Variants in AFAP1L2 observed in about 807,000 individuals in gnomAD.
The protein encoded by AFAP1L2 is actin filament-associated protein 1-like 2.
A neutral mutation model predicts 99.3 loss-of-function variants in AFAP1L2; 46 were observed. The ratio of observed to expected loss-of-function variants is 0.46; its 90% CI spans 0.37 to 0.59. AFAP1L2 has a LOEUF of 0.59. Ranked by LOEUF, AFAP1L2 falls within the 20% of genes least tolerant of loss-of-function variation. The pLI is 0.00. For missense variants in AFAP1L2, 959 were observed against 1,034.9 expected (o/e 0.93, Z 1.01); for synonymous variants, 397 against 419.1 (o/e 0.95, Z 0.64).
chr10:114,375,293 A>T lies in AFAP1L2; in HGVS notation c.16+29147T>A, dbSNP rs1051467512. ...CATGCCAGAATTGAGTCATTGCAAC[A>T]CAGAATATATGACCACAAATCCTAG... is the stretch of plus-strand genomic sequence containing the variant. On this transcript the variant is annotated intron_variant, in intron 1 of 18. Transcript: ENST00000304129. Among the ~76,000 whole-genome samples, 2 of 152,208 alleles carry T rather than the reference A, an allele frequency of 1.3e-5. 1 individual carries two copies. Among genetic ancestry groups the T allele is most frequent in the Non-Finnish European group, 2.9e-5 (2 of 68,036 alleles).
At chr10:114,361,073 A>C (rs1209952872) in intron 1 of AFAP1L2, among the ~76,000 whole-genome samples, 1 of 152,182 alleles carries the variant, frequency 6.6e-6, no homozygotes, top group Non-Finnish European at 1.5e-5. Flanking sequence ...GGCAGACAGG[A>C]GAAGAGAACT....
At chr10:114,284,301 T>G in the AFAP1L2 span, among the ~76,000 whole-genome samples, 2 of 152,214 alleles carry the variant, frequency 1.3e-5, no homozygotes, top group Non-Finnish European at 2.9e-5. Flanking sequence ...TGCGGATTAA[T>G]TCATTTAATC....
downstream of AFAP1L2, chr10:114,291,570 A>T: frequency 3.3e-6 from 1 of 304,122 alleles, no homozygotes; most frequent in Non-Finnish European, 6.1e-6. Flanking sequence ...AGGATAAACA[A>T]GGGGTCCTGA....
At chr10:114,390,533 C>A (rs2057006712) in intron 1 of AFAP1L2, among the ~76,000 whole-genome samples, 2 of 152,050 alleles carry the variant, frequency 1.3e-5, no homozygotes. Flanking sequence ...CCAGCCTGAC[C>A]AACATGGTGA....
At position 114,295,465 on chromosome 10, in the gene AFAP1L2, A is replaced by AACTC; in HGVS notation, c.*573_*576dup. ...TATTTTCCCCATTATTGTTTCTCAA[A>AACTC]ACTCATGTCATAGATGGTTTTACAG... On this transcript the variant is annotated 3_prime_UTR_variant, in exon 19 of 19. Coordinates refer to ENST00000304129, the MANE Select transcript of AFAP1L2 (RefSeq NM_001001936.3). The AACTC allele has an allele frequency of 3.0e-6, 3 of 985,602 alleles. No homozygotes were observed. Among genetic ancestry groups the AACTC allele is most frequent in the Non-Finnish European group, 3.6e-6 (3 of 829,940 alleles). The allele number at this position is 985,602 out of a possible 1,614,324, so 61.1% of individuals were successfully genotyped here.
chr10:114,339,468 A>T (rs1237795528), intron 2 of AFAP1L2, among the ~76,000 whole-genome samples: 4 of 152,196 alleles, frequency 2.6e-5, no homozygotes, highest in African/African-American at 9.6e-5. Flanking sequence ...AAAATACTTC[A>T]TTTAAAACCT....
chr10:114,404,480 C>A lies in AFAP1L2; in HGVS notation c.-25G>T, dbSNP rs568824336. 2 of 1,535,362 alleles carry A rather than the reference C, an allele frequency of 1.3e-6. No homozygotes were observed. Among genetic ancestry groups the A allele is most frequent in the South Asian group, 1.2e-5 (1 of 83,656 alleles). On this transcript the variant is annotated 5_prime_UTR_variant, in exon 1 of 19. Coordinates refer to ENST00000304129, the MANE Select transcript of AFAP1L2 (RefSeq NM_001001936.3). ...TCGGGGCCACGGAGTGCGCTCCTCG[C>A]GGCTCGGCTTCTGCGCTGCTCTCCC...
the AFAP1L2 span, chr10:114,281,378 G>T: frequency 6.6e-6 from 1 of 152,338 alleles, no homozygotes; most frequent in Non-Finnish European, 1.5e-5. Context: ...AGAGTGGGGG[G>T]ATTTGGAGTC....
chr10:114,296,120 G>T, intron 18 of AFAP1L2, 52 bp from the exon 19 acceptor site: 2 of 1,611,512 alleles, frequency 1.2e-6, no homozygotes, highest in African/African-American at 1.3e-5. Flanking sequence ...AAGATAGTTA[G>T]TTATCCACTG....
intron 6 of AFAP1L2, 53 bp downstream of exon 6, chr10:114,315,506 GC>G: frequency 7.5e-6 from 11 of 1,458,514 alleles, no homozygotes; most frequent in Non-Finnish European, 1.0e-5. Flanking sequence ...CCCTGTCCCT[GC>G]CCCTTCCCCA....
At chr10:114,289,719 C>G in the AFAP1L2 span, 1 of 578,926 alleles carries the variant, frequency 1.7e-6, no homozygotes, top group South Asian at 2.0e-5. Flanking sequence ...ATAACTCCCC[C>G]CAAACTTGAG....
chr10:114,393,139 C>G (rs1426392520), intron 1 of AFAP1L2, among the ~76,000 whole-genome samples: 1 of 152,152 alleles, frequency 6.6e-6, no homozygotes, highest in Non-Finnish European at 1.5e-5. Context: ...CTACCAAAGG[C>G]ATTTTCCAAC....
At chr10:114,298,570 C>T (rs1369879977) in intron 16 of AFAP1L2, among the ~76,000 whole-genome samples, 2 of 151,894 alleles carry the variant, frequency 1.3e-5, no homozygotes, top group African/African-American at 2.4e-5. Flanking sequence ...TGCAGCTGGG[C>T]ATGGTGGCTC....
chr10:114,282,628 T>C, the AFAP1L2 span: 62 of 1,509,824 alleles, frequency 4.1e-5, no homozygotes, highest in Non-Finnish European at 5.5e-5. Flanking sequence ...CCAGGCTGCT[T>C]TGTAAAGTGG....
At chr10:114,384,750 G>A (rs532162652) in intron 1 of AFAP1L2, among the ~76,000 whole-genome samples, 4 of 152,318 alleles carry the variant, frequency 2.6e-5, no homozygotes, top group East Asian at 1.9e-4. Context: ...CCTACTGGGG[G>A]CTGTGCCCTG....
chr10:114,336,142 C>T (rs2047940835), intron 2 of AFAP1L2, among the ~76,000 whole-genome samples: 1 of 152,228 alleles, frequency 6.6e-6, no homozygotes, highest in South Asian at 2.1e-4. Flanking sequence ...GGGTGGGCTG[C>T]AGGCTGAGGC....
intron 4 of AFAP1L2, 56 bp from the exon 5 acceptor site, chr10:114,323,317 T>C: frequency 6.1e-6 from 9 of 1,470,128 alleles, no homozygotes; most frequent in Non-Finnish European, 8.4e-6. Context: ...TGGGAGCAAC[T>C]TGGAAATAAC....
chr10:114,284,838 C>T, the AFAP1L2 span: 12 of 1,585,400 alleles, frequency 7.6e-6, no homozygotes, highest in East Asian at 2.3e-5. Context: ...CGGTGCTTAG[C>T]GGTTAATGGG....
chr10:114,289,603 T>C, the AFAP1L2 span: 1 of 1,226,500 alleles, frequency 8.2e-7, no homozygotes, highest in Non-Finnish European at 1.2e-6. Context: ...AGCACTTGCT[T>C]CCCAAGTGCC....
Sources: gnomAD v4.1 joint callset for allele counts (sites outside exome capture counted in the v4.1 genomes callset) on GRCh38, gnomAD v4.1.1 for gene constraint, MANE v1.5 for transcripts, NCBI Gene and HGNC (gene_info 2026-07-23, HGNC 2026-07-21) for gene names.